The following RIC8B variants were observed in gnomAD, a reference collection of about 807,000 sequenced individuals.
RIC8B encodes chaperone Ric-8B.
Under a neutral mutation model 57.5 loss-of-function variants are expected in RIC8B, and 16 were observed. The ratio of observed to expected loss-of-function variants is 0.28; its 90% CI spans 0.19 to 0.42. RIC8B has a LOEUF of 0.42. Ranked by LOEUF, RIC8B falls within the 10% of genes least tolerant of loss-of-function variation. The pLI, the probability that RIC8B is intolerant of heterozygous loss-of-function variation, is 1.00. For synonymous variants in RIC8B, 216 were observed against 250.8 expected (o/e 0.86, Z 1.31); for missense variants, 481 against 677.0 (o/e 0.71, Z 3.21).
At chr12:106,877,136 A>T (rs1364308674) in intron 9 of RIC8B, among the ~76,000 whole-genome samples, 2 of 147,178 alleles carry the variant, frequency 1.4e-5, no homozygotes, top group Non-Finnish European at 3.0e-5. Context: ...ACAGTGATTT[A>T]AAAAAAACTA....
chr12:106,800,562 C>T (rs905475129), intron 2 of RIC8B, among the ~76,000 whole-genome samples: 8 of 152,148 alleles, frequency 5.3e-5, no homozygotes, highest in African/African-American at 1.9e-4. Context: ...AGCCCCATCT[C>T]CATATATTAA....
At chr12:106,776,167 C>T (rs1440935349) in intron 1 of RIC8B, among the ~76,000 whole-genome samples, 6 of 152,128 alleles carry the variant, frequency 3.9e-5, no homozygotes, top group South Asian at 2.1e-4. Context: ...CCAAGTCCAG[C>T]GAGCGCTCTT....
rs1016839600 is a variant in RIC8B, at chr12:106,774,736, A to C, written c.-10A>C. 7 of 1,546,688 alleles carry C rather than the reference A, an allele frequency of 4.5e-6. No individual in the cohort carries two copies. The African/African-American group carries it at 5.5e-5, about 12-fold the overall frequency. On this transcript the variant is annotated 5_prime_UTR_variant, in exon 1 of 10. Transcript: ENST00000392837. Reference sequence around the variant, plus strand: ...CGCAGAGCGGCCGCGGCTCCCCCGCACCTGCGGCCATGGATGAGGAGCGCG... The same window carrying C: ...CGCAGAGCGGCCGCGGCTCCCCCGCCCCTGCGGCCATGGATGAGGAGCGCG...
rs140133283 is a variant in RIC8B, at chr12:106,825,052, A to G, written c.742-674A>G. Among the ~76,000 whole-genome samples the G allele has an allele frequency of 3.3e-5, 5 of 152,350 alleles. No individual in the cohort carries two copies. The East Asian group carries it at 7.7e-4, about 23-fold the overall frequency. On this transcript the variant is annotated intron_variant, in intron 3 of 9. Transcript: ENST00000392837. ...TTAATTATTTAAAATCTGGAAGAAGAAAGATATGACTTTGATGCAGATAAT... is the reference window on the plus strand; with the variant it reads ...TTAATTATTTAAAATCTGGAAGAAGGAAGATATGACTTTGATGCAGATAAT...
intron 2 of RIC8B, among the ~76,000 whole-genome samples, chr12:106,785,822 T>TCTCTCTCTCTCTCTCTCTCTCTCTCC (rs1358409388): frequency 9.4e-6 from 1 of 106,390 alleles, no homozygotes; most frequent in Non-Finnish European, 2.2e-5. Context: ...TCTGTGTGTG[T>TCTCTCTCTCTCTCTCTCTCTCTCTCC]GTGTGTGTGT....
At chr12:106,787,101 A>T (rs914883321) in intron 2 of RIC8B, among the ~76,000 whole-genome samples, 2 of 152,238 alleles carry the variant, frequency 1.3e-5, no homozygotes, top group Non-Finnish European at 2.9e-5. Flanking sequence ...TAACATTTTC[A>T]AAGTACTGTC....
chr12:106,860,091 A>T (rs1949864961), intron 7 of RIC8B, among the ~76,000 whole-genome samples, 177 bp from the exon 8 acceptor site: 1 of 152,170 alleles, frequency 6.6e-6, no homozygotes, highest in Non-Finnish European at 1.5e-5. Flanking sequence ...TAGTCCCCAG[A>T]ACCTATGGGA....
chr12:106,822,245 C>G (rs1055150077), intron 3 of RIC8B: 4 of 151,988 alleles, frequency 2.6e-5, no homozygotes, highest in African/African-American at 9.7e-5. Flanking sequence ...ACTACACATC[C>G]GTGAGAATGA....
At chr12:106,809,048 C>T (rs753156397) in intron 2 of RIC8B, among the ~76,000 whole-genome samples, 5 of 151,752 alleles carry the variant, frequency 3.3e-5, no homozygotes, top group East Asian at 1.9e-4. Flanking sequence ...TTTTAATGCA[C>T]GGTGTGGAGG....
rs528290231 is a variant in RIC8B at position 106,879,317 on chromosome 12, C to G, written c.1572-6587C>G. 3.3e-5 allele frequency: 33 copies of G among 985,286 alleles called. No individual in the cohort carries two copies. In the South Asian group the frequency reaches 1.5e-3, roughly 45 times the overall value. 61.0% of individuals were successfully genotyped at this position (985,286 alleles called of 1,614,324 possible). A position where few individuals can be genotyped will look rare whatever the true frequency, so the allele number is the denominator to read the frequency against. ...TCAAGTAAAGTGTTTTATACACATACACGTCTGACCTATTCTATATTGTGC... is the reference window on the plus strand; with the variant it reads ...TCAAGTAAAGTGTTTTATACACATAGACGTCTGACCTATTCTATATTGTGC... On this transcript the variant is annotated intron_variant, in intron 9 of 9. Transcript: ENST00000392837. The surrounding 1 kb of genome is among the most constrained non-coding windows in gnomAD (Gnocchi z 4.9).
intron 4 of RIC8B, among the ~76,000 whole-genome samples, chr12:106,829,073 G>A (rs923531041): frequency 1.3e-5 from 2 of 152,208 alleles, no homozygotes; most frequent in African/African-American, 2.4e-5. Flanking sequence ...GAGTTAGCTC[G>A]TAAAGACAGC....
chr12:106,821,416 G>A (rs559421319), intron 3 of RIC8B, among the ~76,000 whole-genome samples: 1 of 152,262 alleles, frequency 6.6e-6, no homozygotes, highest in African/African-American at 2.4e-5. Context: ...TTTATCAATT[G>A]TATGGCCATA....
chr12:106,857,074 A>G (rs1949741626), intron 7 of RIC8B, among the ~76,000 whole-genome samples: 1 of 152,214 alleles, frequency 6.6e-6, no homozygotes, highest in African/African-American at 2.4e-5. Context: ...CAGAGGCCAG[A>G]AAACGAGCCC....
intron 9 of RIC8B, among the ~76,000 whole-genome samples, chr12:106,875,879 A>G (rs1950639940): frequency 6.6e-6 from 1 of 152,168 alleles, no homozygotes; most frequent in Non-Finnish European, 1.5e-5. Flanking sequence ...CCTTTAATCA[A>G]AAGATTAATT....
At chr12:106,832,307 T>C (rs1437671103) in intron 4 of RIC8B, among the ~76,000 whole-genome samples, 1 of 152,174 alleles carries the variant, frequency 6.6e-6, no homozygotes, top group Non-Finnish European at 1.5e-5. Context: ...CATTAAATTG[T>C]ATGTAATCCC....
chr12:106,849,418 G>T (rs1017211140), intron 6 of RIC8B, among the ~76,000 whole-genome samples: 15 of 149,890 alleles, frequency 1.0e-4, no homozygotes, highest in African/African-American at 3.7e-4. Context: ...CTTCCAAAGC[G>T]CTGGGATTAC....
At chr12:106,839,524 T>A in intron 4 of RIC8B, among the ~76,000 whole-genome samples, 1 of 152,134 alleles carries the variant, frequency 6.6e-6, no homozygotes, top group Non-Finnish European at 1.5e-5. Context: ...ATAGTGGTTA[T>A]CTGGGGCTGG....
intron 2 of RIC8B, among the ~76,000 whole-genome samples, chr12:106,785,678 A>G (rs2043969856): frequency 6.6e-6 from 1 of 152,100 alleles, no homozygotes; most frequent in African/African-American, 2.4e-5. Flanking sequence ...ATTCTCAACT[A>G]GGGATATGCT....
intron 9 of RIC8B, among the ~76,000 whole-genome samples, chr12:106,877,727 C>G (rs1489352655): frequency 6.6e-6 from 1 of 152,076 alleles, no homozygotes; most frequent in Non-Finnish European, 1.5e-5. Context: ...GACTATTTAC[C>G]AAAGTTGCTC....
Sources: allele counts gnomAD v4.1 joint callset (sites outside exome capture counted in the v4.1 genomes callset), GRCh38; gene constraint gnomAD v4.1.1; non-coding constraint Gnocchi (gnomAD v3.1); transcripts MANE v1.5; gene names NCBI Gene and HGNC (gene_info 2026-07-23, HGNC 2026-07-21).